SEC31A: variants seen among roughly 807,000 people sequenced by gnomAD.
The protein encoded by SEC31A is protein transport protein Sec31A.
SEC31A carries 70 observed loss-of-function variants against 151.0 expected under a neutral mutation model. The ratio of observed to expected loss-of-function variants is 0.46; its 90% CI spans 0.38 to 0.57. The LOEUF is 0.57. SEC31A is among the 20% of genes least tolerant of loss of function. SEC31A has a pLI of 0.00. For missense variants in SEC31A, 1,330 were observed against 1,471.2 expected, an observed-to-expected ratio of 0.90 and a Z score of 1.57; for synonymous variants, 475 against 505.9, an observed-to-expected ratio of 0.94 and a Z score of 0.82.
intron 19 of SEC31A, among the ~76,000 whole-genome samples, chr4:82,850,893 C>T (rs1731311301): frequency 6.6e-6 from 1 of 152,254 alleles, no homozygotes; most frequent in Non-Finnish European, 1.5e-5. Flanking sequence ...TATAGTTTTG[C>T]CCAAGTTTTA....
chr4:82,869,758 A>G (rs910537651), intron 8 of SEC31A, among the ~76,000 whole-genome samples: 1 of 152,214 alleles, frequency 6.6e-6, no homozygotes, highest in Non-Finnish European at 1.5e-5. Flanking sequence ...TTTTAATTTT[A>G]ACAATATAGA....
In SEC31A at chr4:82,880,904, A is replaced by C; in HGVS notation, c.98T>G (p.Leu33Trp). 1 of 1,609,944 alleles carries C rather than the reference A, an allele frequency of 6.2e-7. No homozygotes were observed. The highest frequency in any genetic ancestry group is 8.5e-7 in the Non-Finnish European group (1 of 1,176,898). Residue 33 changes from leucine (L) to tryptophan (W), a missense_variant, in exon 3 of 27, where the codon TTG (leucine) becomes TGG (tryptophan). Physicochemically the swap from Leu to Trp is moderately conservative, Grantham distance 61. Transcript: ENST00000395310. ...YLATGTSAQQ[L>W]DATFSTNASL... ...AGCATTCGTACTAAATGTTGCATCC[A>C]ATTGCTGAGCAGATGTTCCTATAGA...
chr4:82,837,014 T>C (rs1410058189), intron 22 of SEC31A, among the ~76,000 whole-genome samples: 2 of 151,632 alleles, frequency 1.3e-5, no homozygotes, highest in African/African-American at 4.8e-5. Context: ...TATACCTGTA[T>C]CAAAATATCT....
intron 8 of SEC31A, among the ~76,000 whole-genome samples, chr4:82,868,553 A>G (rs1735918589): frequency 6.6e-6 from 1 of 152,080 alleles, no homozygotes; most frequent in African/African-American, 2.4e-5. Flanking sequence ...AAAATGGCTT[A>G]TATGAAACCT....
chr4:82,868,198 T>C (rs1001546803), intron 8 of SEC31A, among the ~76,000 whole-genome samples: 7 of 152,256 alleles, frequency 4.6e-5, no homozygotes, highest in African/African-American at 1.4e-4. Context: ...GAAAGAACTA[T>C]AGAAAATGAC....
chr4:82,819,530 C>T (rs1722858730), intron 26 of SEC31A, among the ~76,000 whole-genome samples: 1 of 152,150 alleles, frequency 6.6e-6, no homozygotes, highest in Admixed American at 6.5e-5. Context: ...CCTCTCCAAA[C>T]TGAAATGCTA....
At chr4:82,845,852 C>T (rs1331957747) in intron 20 of SEC31A, among the ~76,000 whole-genome samples, 2 of 152,004 alleles carry the variant, frequency 1.3e-5, no homozygotes, top group African/African-American at 4.8e-5. Context: ...AGTCTAATCC[C>T]CACCCTTTAT....
intron 22 of SEC31A, among the ~76,000 whole-genome samples, chr4:82,839,691 T>TA (rs1260272818): frequency 9.2e-5 from 14 of 152,240 alleles, no homozygotes; most frequent in Non-Finnish European, 2.9e-5. Context: ...TACTATAAGA[T>TA]ACAGTTGTCA....
chr4:82,854,766 G>T, intron 17 of SEC31A, 137 bp downstream of exon 17: 1 of 761,044 alleles, frequency 1.3e-6, no homozygotes, highest in Non-Finnish European at 1.9e-6. Context: ...ATCTGAGAAA[G>T]GCACTGAAAT....
At chr4:82,847,939 A>G (rs1730602314) in intron 20 of SEC31A, among the ~76,000 whole-genome samples, 1 of 152,184 alleles carries the variant, frequency 6.6e-6, no homozygotes, top group Non-Finnish European at 1.5e-5. Flanking sequence ...TAACAGACAA[A>G]AGGGCATTAA....
At chr4:82,887,807 C>T (rs1475901274) in intron 1 of SEC31A, among the ~76,000 whole-genome samples, 1 of 152,158 alleles carries the variant, frequency 6.6e-6, no homozygotes, top group Non-Finnish European at 1.5e-5. Flanking sequence ...GCCTGTAATC[C>T]CAGCACTTTG....
chr4:82,875,905 T>C (rs1737804404), intron 4 of SEC31A, 83 bp from the exon 5 acceptor site: 1 of 677,416 alleles, frequency 1.5e-6, no homozygotes, highest in Non-Finnish European at 2.4e-6. Context: ...TAGAAAGATA[T>C]TAGATGTAGC....
intron 22 of SEC31A, among the ~76,000 whole-genome samples, chr4:82,836,735 G>T (rs762950836): frequency 2.6e-5 from 4 of 151,994 alleles, no homozygotes; most frequent in Non-Finnish European, 5.9e-5. Flanking sequence ...TTATTTAATG[G>T]GTACAGTGTT....
chr4:82,825,858 G>A (rs889640826), intron 24 of SEC31A, among the ~76,000 whole-genome samples: 22 of 152,148 alleles, frequency 1.4e-4, no homozygotes, highest in African/African-American at 3.1e-4. Flanking sequence ...GAGTAATATC[G>A]ACGAGACTTG....
intron 22 of SEC31A, among the ~76,000 whole-genome samples, chr4:82,839,583 G>C (rs1728278108): frequency 6.6e-6 from 1 of 152,218 alleles, no homozygotes; most frequent in African/African-American, 2.4e-5. Flanking sequence ...ACCGTGCCCA[G>C]CCTCATTTAT....
At position 82,819,252 on chromosome 4, in the gene SEC31A, A is replaced by T; in HGVS notation, c.3485T>A (p.Leu1162His). ...TAAACCACTGGTGATTGTTGGTGAA[A>T]GCTGAAACAAAAGTGAACCAAGAGA... ...FLYDKLREQT[L>H]SPTITSGLHN... The change falls in exon 27 of 27, where the codon CTT becomes CAT. Residue 1162 changes from leucine (L) to histidine (H), a missense_variant and splice_region_variant. By Grantham distance (99) the Leu-to-His change is moderately conservative (BLOSUM62 -3). Transcript: ENST00000395310. 6.4e-7 allele frequency: 1 copy of T among 1,563,502 alleles called. No individual in the cohort carries two copies. The highest frequency in any genetic ancestry group is 8.7e-7 in the Non-Finnish European group (1 of 1,155,446).
chr4:82,859,595 C>A (rs974452770), intron 14 of SEC31A, among the ~76,000 whole-genome samples: 4 of 151,994 alleles, frequency 2.6e-5, no homozygotes, highest in African/African-American at 4.8e-5. Flanking sequence ...CAGCACTGCA[C>A]CATCTGCAAA....
intron 22 of SEC31A, among the ~76,000 whole-genome samples, chr4:82,836,018 G>T (rs1727145822): frequency 6.6e-6 from 1 of 152,070 alleles, no homozygotes; most frequent in South Asian, 2.1e-4. Context: ...CAGTGTGGTG[G>T]TTCCTCAAAA....
Position 82,872,097 on chromosome 4 carries a change from T to G in SEC31A, c.640-11A>C. On this transcript the variant is annotated splice_polypyrimidine_tract_variant and intron_variant, in intron 6 of 26. Transcript: ENST00000395310. Reference sequence around the variant, plus strand: ...CCCAGAACAATGCATCTGAAGATAGTTAAGGTTCACATTTTATGAATCAAA... The same window carrying G: ...CCCAGAACAATGCATCTGAAGATAGGTAAGGTTCACATTTTATGAATCAAA... 6.2e-7 allele frequency: 1 copy of G among 1,603,288 alleles called. No individual in the cohort carries two copies. Among genetic ancestry groups the G allele is most frequent in the Non-Finnish European group, 8.5e-7 (1 of 1,170,518 alleles).
Sources: gnomAD v4.1 joint callset for allele counts (sites outside exome capture counted in the v4.1 genomes callset) on GRCh38, gnomAD v4.1.1 for gene constraint, MANE v1.5 for transcripts, NCBI Gene and HGNC (gene_info 2026-07-23, HGNC 2026-07-21) for gene names.